The following CMSS1 variants were observed in gnomAD, a reference collection of about 807,000 sequenced individuals.
CMSS1 encodes the protein cms1 ribosomal small subunit homolog, also known as protein CMSS1.
CMSS1 carries 33 observed loss-of-function variants against 43.5 expected under a neutral mutation model. That is an observed-to-expected ratio of 0.76 (90% CI 0.57 to 1.01). The LOEUF is 1.01. Among genes scored for constraint, CMSS1 ranks in the 50% least tolerant of loss-of-function variants. The probability of loss-of-function intolerance (pLI) is 0.00; values close to 1 mark genes in which losing one functional copy is unlikely to be tolerated. For synonymous variants in CMSS1, 115 were observed against 117.2 expected (o/e 0.98, Z 0.12); for missense variants, 313 against 326.4 (o/e 0.96, Z 0.32).
At position 100,181,150 on chromosome 3, in the gene CMSS1, G is replaced by A. The variant is rs1334803416; in HGVS notation, c.*2762G>A. On this transcript the variant is annotated 3_prime_UTR_variant, in exon 10 of 10. Coordinates refer to ENST00000421999, the MANE Select transcript of CMSS1 (RefSeq NM_032359.4). ...CCCACCAGATCCCTCCCCCAACACT[G>A]GGAATTACAATTCGACATGAAACTT... The A allele has an allele frequency of 6.6e-6, 1 of 152,168 alleles. No individual in the cohort carries two copies. The highest frequency in any genetic ancestry group is 1.5e-5 in the Non-Finnish European group (1 of 68,044). 9.4% of individuals were successfully genotyped at this position (152,168 alleles called of 1,614,324 possible). A position where few individuals can be genotyped will look rare whatever the true frequency, so the allele number is the denominator to read the frequency against.
At chr3:100,147,265 CTTT>C (rs71132514) in intron 2 of CMSS1, among the ~76,000 whole-genome samples, 4 of 86,850 alleles carry the variant, frequency 4.6e-5, no homozygotes, top group African/African-American at 4.5e-5. Flanking sequence ...AATTCTTTTT[CTTT>C]TTTTTTTTTT....
chr3:100,162,449 A>T lies in CMSS1; in HGVS notation c.355+17A>T. The T allele has an allele frequency of 6.2e-7, 1 of 1,603,000 alleles. No homozygotes were observed. The highest frequency in any genetic ancestry group is 8.5e-7 in the Non-Finnish European group (1 of 1,175,052). ...ACCTGCCAGGTATAGCCAAGCTTCA[A>T]TTTTCCTAAAGACAAGGAGCAAAAC... On this transcript the variant is annotated intron_variant, in intron 4 of 9. Transcript: ENST00000421999.
chr3:100,048,192 G>C (rs1171969524), intron 1 of CMSS1, among the ~76,000 whole-genome samples: 1 of 152,172 alleles, frequency 6.6e-6, no homozygotes, highest in Non-Finnish European at 1.5e-5. Flanking sequence ...CTCAGGGAAG[G>C]GGACAGATAG....
chr3:100,164,212 A>T (rs2067048349), intron 4 of CMSS1, among the ~76,000 whole-genome samples: 1 of 152,218 alleles, frequency 6.6e-6, no homozygotes, highest in South Asian at 2.1e-4. Flanking sequence ...CACAGGAACT[A>T]TTCTAACAAA....
chr3:100,141,627 G>A (rs1257850923), intron 1 of CMSS1: 1 of 451,070 alleles, frequency 2.2e-6, no homozygotes, highest in Non-Finnish European at 4.4e-6. Flanking sequence ...TCAAAAAGAA[G>A]ATGAAGGTAG....
intron 1 of CMSS1, among the ~76,000 whole-genome samples, chr3:99,865,620 C>T (rs1046496827): frequency 6.6e-6 from 1 of 152,216 alleles, no homozygotes; most frequent in Admixed American, 6.5e-5. Context: ...CCAGTAATAA[C>T]ATCTCATGTT....
chr3:100,126,115 A>G (rs2066660348), intron 1 of CMSS1, among the ~76,000 whole-genome samples: 2 of 152,222 alleles, frequency 1.3e-5, no homozygotes, highest in African/African-American at 2.4e-5. Context: ...CACTCTACCC[A>G]TATCCCTGAG....
intron 1 of CMSS1, among the ~76,000 whole-genome samples, chr3:100,094,518 G>C (rs1417392363): frequency 2.0e-5 from 3 of 151,888 alleles, no homozygotes; most frequent in Non-Finnish European, 4.4e-5. Flanking sequence ...AGATCCCAAA[G>C]ATTTTCTCTT....
chr3:100,067,469 A>G (rs567339706), intron 1 of CMSS1, among the ~76,000 whole-genome samples: 42 of 152,300 alleles, frequency 2.8e-4, no homozygotes, highest in Non-Finnish European at 5.0e-4. Flanking sequence ...CTCCATTAGT[A>G]TACATGATTG....
At chr3:100,172,018 T>G in intron 7 of CMSS1, 119 bp downstream of exon 7, 3 of 791,878 alleles carry the variant, frequency 3.8e-6, no homozygotes, top group Non-Finnish European at 6.1e-6. Context: ...TTATGTAACA[T>G]TTAACAACTT....
intron 1 of CMSS1, among the ~76,000 whole-genome samples, chr3:99,938,608 A>G (rs555525010): frequency 1.4e-4 from 21 of 152,298 alleles, no homozygotes; most frequent in Admixed American, 1.3e-3. Context: ...TTAAGCTAAG[A>G]TTTAGTTCCC....
intron 1 of CMSS1, among the ~76,000 whole-genome samples, chr3:100,050,801 A>G (rs1177347159): frequency 6.6e-6 from 1 of 152,156 alleles, no homozygotes; most frequent in Non-Finnish European, 1.5e-5. Flanking sequence ...AAGTGCTGGG[A>G]TTACAGGCAT....
chr3:99,989,661 C>CCT, intron 1 of CMSS1, among the ~76,000 whole-genome samples: 1 of 93,774 alleles, frequency 1.1e-5, no homozygotes, highest in Non-Finnish European at 2.1e-5. Flanking sequence ...TTAGTATCTT[C>CCT]CTCTATATAT....
chr3:99,922,722 G>C (rs1707163484), intron 1 of CMSS1, among the ~76,000 whole-genome samples: 1 of 152,154 alleles, frequency 6.6e-6, no homozygotes, highest in South Asian at 2.1e-4. Flanking sequence ...TGCTTATACT[G>C]TCTACAGTGG....
intron 1 of CMSS1, among the ~76,000 whole-genome samples, chr3:100,111,131 T>G (rs1002639649): frequency 6.6e-6 from 1 of 152,160 alleles, no homozygotes; most frequent in African/African-American, 2.4e-5. Context: ...TATATCTCTT[T>G]TAGCAACTAA....
intron 1 of CMSS1, among the ~76,000 whole-genome samples, chr3:99,950,376 A>G (rs1416439354): frequency 6.6e-6 from 1 of 152,172 alleles, no homozygotes; most frequent in South Asian, 2.1e-4. Context: ...TCTTATTTCT[A>G]TGGGTAGGGA....
chr3:99,876,141 C>G, intron 1 of CMSS1: 1 of 986,208 alleles, frequency 1.0e-6, no homozygotes. Flanking sequence ...TGCGAGCCGA[C>G]TGTGCGCGCT....
chr3:100,155,007 A>G (rs1394578424), intron 2 of CMSS1, among the ~76,000 whole-genome samples: 1 of 152,186 alleles, frequency 6.6e-6, no homozygotes, highest in Non-Finnish European at 1.5e-5. Flanking sequence ...TTTAAAAATC[A>G]AACAGTATTA....
At chr3:99,947,405 T>A (rs1308806803) in intron 1 of CMSS1, among the ~76,000 whole-genome samples, 1 of 152,234 alleles carries the variant, frequency 6.6e-6, no homozygotes, top group African/African-American at 2.4e-5. Flanking sequence ...CCATTATTTA[T>A]GTAACCATTC....
Sources: gnomAD v4.1 joint callset for allele counts (sites outside exome capture counted in the v4.1 genomes callset) on GRCh38, gnomAD v4.1.1 for gene constraint, MANE v1.5 for transcripts, NCBI Gene and HGNC (gene_info 2026-07-23, HGNC 2026-07-21) for gene names.